Variants in JARID2 observed in about 807,000 individuals in gnomAD.
The protein encoded by JARID2 is jumonji and AT-rich interaction domain containing 2, also known as protein Jumonji.
Under a neutral mutation model 125.6 loss-of-function variants are expected in JARID2, and 21 were observed. The ratio of observed to expected loss-of-function variants is 0.17; its 90% CI spans 0.12 to 0.24. The LOEUF (loss-of-function observed/expected upper bound fraction) is 0.24, where lower values mean the gene tolerates loss of function less well. JARID2 is among the 10% of genes least tolerant of loss of function. The pLI is 1.00. For missense variants in JARID2, 1,303 were observed against 1,639.6 expected (o/e 0.79, Z 3.55); for synonymous variants, 736 against 661.6 (o/e 1.11, Z -1.73).
chr6:15,434,241 T>G lies in JARID2; in HGVS notation c.324-17765T>G, dbSNP rs142589950. On this transcript the variant is annotated intron_variant, in intron 3 of 17. Coordinates refer to ENST00000341776, the MANE Select transcript of JARID2 (RefSeq NM_004973.4). Reference sequence around the variant, plus strand: ...GTAGCTGTCCCTTGATGCACAGAATTCATGCTTCTGTGATGGACAATTCCA... The same window carrying G: ...GTAGCTGTCCCTTGATGCACAGAATGCATGCTTCTGTGATGGACAATTCCA... Among the ~76,000 whole-genome samples, 473 of 152,234 alleles carry G rather than the reference T, an allele frequency of 3.1e-3. 1 individual carries two copies. Among genetic ancestry groups the G allele is most frequent in the African/African-American group, 0.011 (454 of 41,542 alleles).
chr6:15,514,085 T>G (rs191708015), intron 16 of JARID2, among the ~76,000 whole-genome samples: 1 of 152,254 alleles, frequency 6.6e-6, no homozygotes, highest in Non-Finnish European at 1.5e-5. Flanking sequence ...AGCTTTGGGG[T>G]TAATACCAAA....
chr6:15,343,411 T>C (rs969776217), intron 1 of JARID2, among the ~76,000 whole-genome samples: 1 of 152,152 alleles, frequency 6.6e-6, no homozygotes, highest in Non-Finnish European at 1.5e-5. Flanking sequence ...TAACCAAATT[T>C]AGTGTGTATT....
At chr6:15,329,604 C>A (rs548303466) in intron 1 of JARID2, among the ~76,000 whole-genome samples, 4 of 152,278 alleles carry the variant, frequency 2.6e-5, no homozygotes, top group Middle Eastern at 3.4e-3. Context: ...CTTTAATAAG[C>A]GGGTTAAACC....
intron 6 of JARID2, among the ~76,000 whole-genome samples, 190 bp from the exon 7 acceptor site, chr6:15,495,942 G>T (rs1393265799): frequency 6.6e-6 from 1 of 152,216 alleles, no homozygotes; most frequent in African/African-American, 2.4e-5. Flanking sequence ...AGTGGACATC[G>T]CTGCTTAATT....
intron 4 of JARID2, among the ~76,000 whole-genome samples, chr6:15,459,104 A>G (rs1057486991): frequency 3.3e-5 from 5 of 152,246 alleles, no homozygotes; most frequent in African/African-American, 7.2e-5. Flanking sequence ...GAGCTTCCTC[A>G]TCTGCGAAAT....
At chr6:15,394,228 A>G (rs1765131048) in intron 2 of JARID2, among the ~76,000 whole-genome samples, 2 of 152,176 alleles carry the variant, frequency 1.3e-5, no homozygotes, top group Non-Finnish European at 2.9e-5. Flanking sequence ...TTCCCAGATA[A>G]GAGCACCTCA....
intron 1 of JARID2, among the ~76,000 whole-genome samples, chr6:15,310,912 T>C (rs1761987417): frequency 6.6e-6 from 1 of 152,220 alleles, no homozygotes; most frequent in Non-Finnish European, 1.5e-5. Context: ...TTCTAATTTT[T>C]GGTGCCCTGT....
Position 15,487,160 on chromosome 6 carries a change from T to C in JARID2, c.671-147T>C. The stretch of plus-strand genomic sequence containing the variant: ...AGGGGAAACTGCCTCCATGATCCAG[T>C]CACCTCCCACCAGTTCCCTCGCTAA... On this transcript the variant is annotated intron_variant, in intron 5 of 17. Transcript: ENST00000341776. 5 of 666,722 alleles carry C rather than the reference T, an allele frequency of 7.5e-6. No homozygotes were observed. In the South Asian group the frequency reaches 9.5e-5, roughly 13 times the overall value. 41.3% of individuals were successfully genotyped at this position (666,722 alleles called of 1,614,324 possible).
intron 8 of JARID2, among the ~76,000 whole-genome samples, chr6:15,504,150 T>C (rs1344922421): frequency 2.0e-5 from 3 of 152,222 alleles, no homozygotes; most frequent in Non-Finnish European, 4.4e-5. Context: ...CTTTGTCAGC[T>C]GAGGGATTCT....
chr6:15,436,136 A>G (rs190528940), intron 3 of JARID2, among the ~76,000 whole-genome samples: 1 of 152,284 alleles, frequency 6.6e-6, no homozygotes, highest in East Asian at 1.9e-4. Context: ...TTTGCTGTCT[A>G]TAGGCGGCTT....
chr6:15,379,448 A>C (rs1764496700), intron 2 of JARID2, among the ~76,000 whole-genome samples: 1 of 152,212 alleles, frequency 6.6e-6, no homozygotes, highest in South Asian at 2.1e-4. Flanking sequence ...CTGAGGCTAA[A>C]ATTAGGGACA....
chr6:15,442,201 G>C (rs1330582529), intron 3 of JARID2, among the ~76,000 whole-genome samples: 1 of 151,962 alleles, frequency 6.6e-6, no homozygotes, highest in East Asian at 1.9e-4. Context: ...GAGAGTTCTG[G>C]CAATTTGCAG....
intron 1 of JARID2, among the ~76,000 whole-genome samples, chr6:15,330,527 A>C (rs1330985997): frequency 6.6e-6 from 1 of 152,140 alleles, no homozygotes; most frequent in Admixed American, 6.5e-5. Flanking sequence ...TTTTTCTTCC[A>C]GTAGAAATAT....
chr6:15,501,762 G>C (rs1417006693), intron 8 of JARID2, among the ~76,000 whole-genome samples: 1 of 152,186 alleles, frequency 6.6e-6, no homozygotes, highest in Admixed American at 6.5e-5. Flanking sequence ...CATTCCGCCT[G>C]CCTAGGGCCT....
rs557079756 is a variant in JARID2 at position 15,440,116 on chromosome 6, C to G, written c.324-11890C>G. On this transcript the variant is annotated intron_variant, in intron 3 of 17. Coordinates refer to ENST00000341776, the MANE Select transcript of JARID2 (RefSeq NM_004973.4). ...TAGTCAGAAGATATTCTCGTCCGAC[C>G]CTTTGAGGGTTCATTTAAGCCGTAC... 3.9e-5 allele frequency among the ~76,000 whole-genome samples: 6 copies of G among 152,296 alleles called. No individual in the cohort carries two copies. The South Asian group carries it at 6.2e-4, about 16-fold the overall frequency.
Position 15,350,479 on chromosome 6 carries a change from CT to C in JARID2, c.46-23635del, listed in dbSNP as rs1469753361. 3.9e-5 allele frequency among the ~76,000 whole-genome samples: 6 copies of C among 152,112 alleles called. No homozygotes were observed. The East Asian group carries it at 1.2e-3, about 29-fold the overall frequency. ...GAGACTCTATAGCTAGTGGGAAGAACTTTGGTGTTACTGACTTAGCTGATTC... is the reference window on the plus strand; with the variant it reads ...GAGACTCTATAGCTAGTGGGAAGAACTTGGTGTTACTGACTTAGCTGATTC... On this transcript the variant is annotated intron_variant, in intron 1 of 17. Coordinates refer to ENST00000341776, the MANE Select transcript of JARID2 (RefSeq NM_004973.4).
intron 2 of JARID2, among the ~76,000 whole-genome samples, chr6:15,387,088 C>G (rs974669201): frequency 7.2e-5 from 11 of 152,150 alleles, no homozygotes; most frequent in Non-Finnish European, 1.5e-4. Flanking sequence ...AATTCTGGAG[C>G]TAGGGTCCCA....
In JARID2 at chr6:15,323,953, C is replaced by T. The variant is rs376964147; in HGVS notation, c.46-50164C>T. On this transcript the variant is annotated intron_variant, in intron 1 of 17. Coordinates refer to ENST00000341776, the MANE Select transcript of JARID2 (RefSeq NM_004973.4). ...ATCCCAGCATTTTGGGAGGCTGAGG[C>T]GGGCGGATCACAAGGTCAGCAGATC... Among the ~76,000 whole-genome samples the T allele has an allele frequency of 5.9e-4, 89 of 151,726 alleles. 1 individual carries two copies. The highest frequency in any genetic ancestry group is 5.8e-4 in the East Asian group (3 of 5,140).
chr6:15,477,510 T>G (rs868868215), intron 5 of JARID2, among the ~76,000 whole-genome samples: 1 of 148,890 alleles, frequency 6.7e-6, no homozygotes, highest in African/African-American at 2.5e-5. Flanking sequence ...GTTGGTTTTT[T>G]TTTTTTTTTT....
Sources: allele counts gnomAD v4.1 joint callset (sites outside exome capture counted in the v4.1 genomes callset), GRCh38; gene constraint gnomAD v4.1.1; transcripts MANE v1.5; gene names NCBI Gene and HGNC (gene_info 2026-07-23, HGNC 2026-07-21).